The following NDUFAF6 variants were observed in gnomAD, a reference collection of about 807,000 sequenced individuals.
NDUFAF6 encodes NADH:ubiquinone oxidoreductase complex assembly factor 6.
A neutral mutation model predicts 40.8 loss-of-function variants in NDUFAF6; 45 were observed. The observed-to-expected ratio is 1.10, with a 90% CI of 0.87 to 1.42. The LOEUF (loss-of-function observed/expected upper bound fraction) is 1.42, where lower values mean the gene tolerates loss of function less well. Ranked by LOEUF, NDUFAF6 falls within the 40% of genes most tolerant of loss-of-function variation. The pLI is 0.00. For synonymous variants in NDUFAF6, 185 were observed against 155.9 expected, an observed-to-expected ratio of 1.19 and a Z score of -1.39; for missense variants, 435 against 418.5, an observed-to-expected ratio of 1.04 and a Z score of -0.34.
chr8:95,000,927 G>A (rs1826700741), intron 2 of NDUFAF6, among the ~76,000 whole-genome samples: 2 of 151,544 alleles, frequency 1.3e-5, no homozygotes, highest in South Asian at 2.1e-4. Context: ...ACAGAGTGAG[G>A]CTCTGTTTCC....
At chr8:94,980,386 G>A (rs1437425814) in intron 1 of NDUFAF6, among the ~76,000 whole-genome samples, 1 of 150,816 alleles carries the variant, frequency 6.6e-6, no homozygotes, top group Non-Finnish European at 1.5e-5. Context: ...AGAAAGGTGT[G>A]ACGGGAATGT....
At chr8:95,001,733 C>T (rs559558513) in intron 2 of NDUFAF6, among the ~76,000 whole-genome samples, 1 of 152,174 alleles carries the variant, frequency 6.6e-6, no homozygotes, top group Non-Finnish European at 1.5e-5. Flanking sequence ...ACCTCTGAAG[C>T]AGGCTGAAGA....
chr8:95,041,820 A>C lies in NDUFAF6; in HGVS notation c.477+194A>C, dbSNP rs76734764. 0.03 allele frequency among the ~76,000 whole-genome samples: 4,628 copies of C among 152,224 alleles called. 241 individuals carry two copies. Among genetic ancestry groups the C allele is most frequent in the African/African-American group, 0.1 (4,302 of 41,500 alleles). Reference sequence around the variant, plus strand: ...CCTCACATTGAGACAGACAAGCACCAAGGCAGAGGCATGTGTATGCACAAC... The same window carrying C: ...CCTCACATTGAGACAGACAAGCACCCAGGCAGAGGCATGTGTATGCACAAC... On this transcript the variant is annotated intron_variant, in intron 4 of 8. Coordinates refer to ENST00000396124, the MANE Select transcript of NDUFAF6 (RefSeq NM_152416.4).
intron 1 of NDUFAF6, among the ~76,000 whole-genome samples, chr8:94,972,252 TC>T (rs1345522339): frequency 6.6e-6 from 1 of 152,084 alleles, no homozygotes; most frequent in Non-Finnish European, 1.5e-5. Context: ...ATTTTTTTTT[TC>T]TTTCTTGAGA....
chr8:95,085,085 C>T (rs1448652279), intron 2 of NDUFAF6, among the ~76,000 whole-genome samples: 3 of 152,154 alleles, frequency 2.0e-5, no homozygotes, highest in African/African-American at 7.2e-5. Flanking sequence ...TGGCTACTGG[C>T]TTTGGAGCAT....
chr8:94,995,502 A>G (rs539682436), intron 2 of NDUFAF6, among the ~76,000 whole-genome samples: 1 of 152,126 alleles, frequency 6.6e-6, no homozygotes, highest in Non-Finnish European at 1.5e-5. Flanking sequence ...GGTGGCTTGC[A>G]CCTGTAATCC....
At chr8:95,046,510 G>A (rs915761214) in intron 5 of NDUFAF6, among the ~76,000 whole-genome samples, 4 of 152,122 alleles carry the variant, frequency 2.6e-5, no homozygotes, top group Non-Finnish European at 5.9e-5. Context: ...TTTGAAGAAG[G>A]TAATATATAT....
At chr8:95,028,579 T>C (rs1046471083) in intron 1 of NDUFAF6, among the ~76,000 whole-genome samples, 1 of 152,252 alleles carries the variant, frequency 6.6e-6, no homozygotes, top group Non-Finnish European at 1.5e-5. Context: ...CAAATGTTAC[T>C]ACAGTTCTAT....
At chr8:95,024,876 G>A (rs1047794892), upstream of NDUFAF6, 5 of 769,948 alleles carry the variant, frequency 6.5e-6, no homozygotes, top group African/African-American at 9.1e-5. Context: ...AGCGACACCT[G>A]GCTCTTCTTT....
chr8:94,979,071 G>T (rs1825197408), intron 1 of NDUFAF6, among the ~76,000 whole-genome samples: 1 of 152,186 alleles, frequency 6.6e-6, no homozygotes, highest in Non-Finnish European at 1.5e-5. Context: ...AACAGTGTTT[G>T]TTTCCTGTTT....
At chr8:94,924,914 T>G (rs1212404954) in intron 1 of NDUFAF6, among the ~76,000 whole-genome samples, 1 of 152,156 alleles carries the variant, frequency 6.6e-6, no homozygotes, top group African/African-American at 2.4e-5. Context: ...GGCTCATTTT[T>G]GTATTTTTAG....
intron 4 of NDUFAF6, among the ~76,000 whole-genome samples, chr8:95,045,183 G>T (rs889717707): frequency 6.6e-6 from 1 of 152,072 alleles, no homozygotes; most frequent in Non-Finnish European, 1.5e-5. Context: ...TTGGAGGGGG[G>T]GTTGTTTGGG....
At chr8:94,906,243 G>C (rs1300619093) in intron 1 of NDUFAF6, among the ~76,000 whole-genome samples, 2 of 152,078 alleles carry the variant, frequency 1.3e-5, no homozygotes, top group Non-Finnish European at 2.9e-5. Flanking sequence ...TGTGCTCTTA[G>C]GTATGACCAC....
intron 2 of NDUFAF6, among the ~76,000 whole-genome samples, chr8:95,081,193 C>CT (rs992464171): frequency 8.6e-5 from 9 of 104,994 alleles, no homozygotes; most frequent in Non-Finnish European, 1.4e-4. Context: ...GAGGTGGAGT[C>CT]TTTCTCTGTT....
At chr8:95,045,727 T>A in intron 5 of NDUFAF6, 80 bp downstream of exon 5, 1 of 1,181,808 alleles carries the variant, frequency 8.5e-7, no homozygotes, top group Non-Finnish European at 1.3e-6. Context: ...TTTGGTAATC[T>A]AACCAGTTTA....
At chr8:94,969,365 A>G (rs1469767447) in intron 1 of NDUFAF6, among the ~76,000 whole-genome samples, 1 of 152,228 alleles carries the variant, frequency 6.6e-6, no homozygotes, top group Non-Finnish European at 1.5e-5. Flanking sequence ...GCCCTTTCAC[A>G]TGCCTCCAAG....
intron 1 of NDUFAF6, among the ~76,000 whole-genome samples, chr8:95,030,012 T>G (rs955547854): frequency 6.6e-6 from 1 of 152,162 alleles, no homozygotes; most frequent in Non-Finnish European, 1.5e-5. Flanking sequence ...TTTACCCCTT[T>G]AACATTTTCA....
intron 2 of NDUFAF6, chr8:94,949,135 G>GC (rs561010086): frequency 0.36 from 52,557 of 145,734 alleles, 9,678 homozygotes; most frequent in Non-Finnish European, 0.4. Context: ...ACGCCCGCCC[G>GC]CCCCCCCCCG....
chr8:94,969,791 T>C (rs1202231947), intron 1 of NDUFAF6, among the ~76,000 whole-genome samples: 2 of 152,002 alleles, frequency 1.3e-5, no homozygotes, highest in East Asian at 3.8e-4. Flanking sequence ...ATAATGAGGC[T>C]TAGGATCTTT....
Sources: gnomAD v4.1 joint callset for allele counts (sites outside exome capture counted in the v4.1 genomes callset) on GRCh38, gnomAD v4.1.1 for gene constraint, MANE v1.5 for transcripts, NCBI Gene and HGNC (gene_info 2026-07-23, HGNC 2026-07-21) for gene names.